The following ADGRL3 variants were observed in gnomAD, a reference collection of about 807,000 sequenced individuals.
The protein encoded by ADGRL3 is calcium-independent alpha-latrotoxin receptor 3.
In ADGRL3, 62 loss-of-function variants were observed where a neutral mutation model predicts 153.5. The observed-to-expected ratio is 0.40, with a 90% CI of 0.33 to 0.50. The LOEUF is 0.50. Among genes scored for constraint, ADGRL3 ranks in the 20% least tolerant of loss-of-function variants. The pLI is 0.47. For missense variants in ADGRL3, 1,641 were observed against 1,859.4 expected, an observed-to-expected ratio of 0.88 and a Z score of 2.16; for synonymous variants, 710 against 672.5, an observed-to-expected ratio of 1.06 and a Z score of -0.86.
intron 1 of ADGRL3, among the ~76,000 whole-genome samples, chr4:61,255,107 A>G (rs952584368): frequency 2.0e-5 from 3 of 152,184 alleles, no homozygotes; most frequent in African/African-American, 4.8e-5. Context: ...TATGGCTGAC[A>G]TTAGAATGAC....
intron 21 of ADGRL3, among the ~76,000 whole-genome samples, chr4:61,999,326 G>A (rs949330434): frequency 6.6e-6 from 1 of 152,136 alleles, no homozygotes; most frequent in East Asian, 1.9e-4. Flanking sequence ...TTCAACAGTA[G>A]TAGTACTTTA....
intron 8 of ADGRL3, among the ~76,000 whole-genome samples, chr4:61,804,660 C>T (rs1010288374): frequency 6.6e-6 from 1 of 152,128 alleles, no homozygotes; most frequent in African/African-American, 2.4e-5. Context: ...CATTCTAATT[C>T]CCTTATAGAT....
intron 1 of ADGRL3, among the ~76,000 whole-genome samples, chr4:61,364,779 A>G (rs2096364407): frequency 6.6e-6 from 1 of 152,224 alleles, no homozygotes; most frequent in Non-Finnish European, 1.5e-5. Flanking sequence ...AATAATCATC[A>G]CCAAAATTCA....
intron 25 of ADGRL3, chr4:62,063,650 C>A: frequency 1.5e-6 from 1 of 658,620 alleles, no homozygotes. Flanking sequence ...TGGAGTTTAT[C>A]TTAATTTTTT....
chr4:61,393,639 T>C (rs2096838091), intron 2 of ADGRL3, among the ~76,000 whole-genome samples: 1 of 152,076 alleles, frequency 6.6e-6, no homozygotes, highest in Non-Finnish European at 1.5e-5. Flanking sequence ...TTTTTAAAAG[T>C]TTCAAGCTTA....
chr4:61,217,958 G>T (rs1743634787), intron 1 of ADGRL3, among the ~76,000 whole-genome samples: 1 of 152,164 alleles, frequency 6.6e-6, no homozygotes, highest in Admixed American at 6.5e-5. Context: ...GAAAACAATT[G>T]TTAAGGAAAC....
chr4:62,046,605 A>G (rs1478739667), intron 25 of ADGRL3, among the ~76,000 whole-genome samples: 1 of 151,938 alleles, frequency 6.6e-6, no homozygotes, highest in East Asian at 1.9e-4. Flanking sequence ...AGGGTATACA[A>G]TTTCTTGTGA....
At chr4:61,998,746 T>C (rs945125501) in intron 21 of ADGRL3, among the ~76,000 whole-genome samples, 1 of 151,918 alleles carries the variant, frequency 6.6e-6, no homozygotes, top group African/African-American at 2.4e-5. Context: ...CTGCTAATTT[T>C]TTTGTATTTT....
chr4:61,903,607 A>G (rs561505515), intron 11 of ADGRL3, among the ~76,000 whole-genome samples: 1 of 139,542 alleles, frequency 7.2e-6, no homozygotes, highest in African/African-American at 2.7e-5. Flanking sequence ...TCAAGGCTGC[A>G]GTTAGCTGTG....
chr4:61,353,534 A>G (rs1223813907), intron 1 of ADGRL3, among the ~76,000 whole-genome samples: 1 of 151,754 alleles, frequency 6.6e-6, no homozygotes, highest in Non-Finnish European at 1.5e-5. Flanking sequence ...GAGGTGTTTT[A>G]ATAGGTATCC....
intron 6 of ADGRL3, among the ~76,000 whole-genome samples, chr4:61,685,742 G>T (rs1156899074): frequency 6.6e-6 from 1 of 152,064 alleles, no homozygotes; most frequent in African/African-American, 2.4e-5. Context: ...ATGAAAATCA[G>T]TTTTTTTCAA....
intron 5 of ADGRL3, among the ~76,000 whole-genome samples, chr4:61,653,130 C>CCTCT (rs752724765): frequency 1.0e-4 from 14 of 139,356 alleles, no homozygotes; most frequent in East Asian, 6.6e-4. Flanking sequence ...AAAGAGAAAG[C>CCTCT]CTCTCTCTCT....
At chr4:61,662,149 C>A (rs539580127) in intron 5 of ADGRL3, among the ~76,000 whole-genome samples, 2 of 152,288 alleles carry the variant, frequency 1.3e-5, no homozygotes, top group African/African-American at 4.8e-5. Context: ...TCTGAGGAGG[C>A]AGGACAGGAG....
intron 1 of ADGRL3, among the ~76,000 whole-genome samples, chr4:61,340,675 A>C (rs2095789286): frequency 6.6e-6 from 1 of 151,938 alleles, no homozygotes; most frequent in African/African-American, 2.4e-5. Flanking sequence ...TATCTGGGAG[A>C]TTTATGCACA....
chr4:61,775,668 C>G (rs191794993), intron 8 of ADGRL3: 1 of 1,509,570 alleles, frequency 6.6e-7, no homozygotes, highest in East Asian at 2.3e-5. Context: ...ACTTGACATA[C>G]ATCACAGGCT....
chr4:61,461,706 C>T (rs1484821092), intron 2 of ADGRL3, among the ~76,000 whole-genome samples: 2 of 152,044 alleles, frequency 1.3e-5, no homozygotes, highest in African/African-American at 4.8e-5. Context: ...TTTATAAACT[C>T]ATCACATGAA....
chr4:61,416,830 A>T (rs554881371), intron 2 of ADGRL3, among the ~76,000 whole-genome samples: 1 of 152,158 alleles, frequency 6.6e-6, no homozygotes, highest in African/African-American at 2.4e-5. Context: ...TGTGCACTTT[A>T]TTTCTGTTAT....
chr4:61,230,175 A>G (rs1749965510), intron 1 of ADGRL3, among the ~76,000 whole-genome samples: 1 of 152,164 alleles, frequency 6.6e-6, no homozygotes, highest in Admixed American at 6.5e-5. Context: ...TTGCTTAGTG[A>G]TGGTAAGCGA....
At chr4:61,533,616 T>G (rs1299610255) in intron 4 of ADGRL3, among the ~76,000 whole-genome samples, 1 of 152,200 alleles carries the variant, frequency 6.6e-6, no homozygotes, top group Non-Finnish European at 1.5e-5. Context: ...CTCTGTATCA[T>G]AGCATGCTTA....
Sources: gnomAD v4.1 joint callset for allele counts (sites outside exome capture counted in the v4.1 genomes callset) on GRCh38, gnomAD v4.1.1 for gene constraint, MANE v1.5 for transcripts, NCBI Gene and HGNC (gene_info 2026-07-23, HGNC 2026-07-21) for gene names.